ATP6V1A: variants seen among roughly 807,000 people sequenced by gnomAD.
The protein encoded by ATP6V1A is ATPase H+ transporting V1 subunit A, also known as V-type proton ATPase catalytic subunit A.
ATP6V1A carries 18 observed loss-of-function variants against 70.1 expected under a neutral mutation model. The observed-to-expected ratio is 0.26, with a 90% confidence interval of 0.18 to 0.38. The LOEUF is 0.38. Among genes scored for constraint, ATP6V1A ranks in the 10% least tolerant of loss-of-function variants. ATP6V1A has a pLI of 1.00. For synonymous variants in ATP6V1A, 232 were observed against 253.8 expected (o/e 0.91, Z 0.82); for missense variants, 424 against 772.4 (o/e 0.55, Z 5.35).
chr3:113,784,917 A>ATATCAATTCTT, intron 5 of ATP6V1A, 84 bp downstream of exon 5: 2 of 1,381,814 alleles, frequency 1.4e-6, no homozygotes, highest in Non-Finnish European at 2.0e-6. Context: ...AAGTAATTAA[A>ATATCAATTCTT]GAATTGATAT....
chr3:113,805,531 T>C lies in ATP6V1A; in HGVS notation c.1761+6T>C. On this transcript the variant is annotated splice_donor_region_variant and intron_variant, in intron 14 of 14. Coordinates refer to ENST00000273398, the MANE Select transcript of ATP6V1A (RefSeq NM_001690.4). ...TTTCCTCCATGAAATTCAAGGTATA[T>C]TTTGTTTCTGCTGTAACTTTTTTTA... The C allele has an allele frequency of 6.2e-7, 1 of 1,600,314 alleles. No individual in the cohort carries two copies. Among genetic ancestry groups the C allele is most frequent in the Non-Finnish European group, 8.5e-7 (1 of 1,173,648 alleles).
chr3:113,803,760 T>A (rs1709246631), intron 13 of ATP6V1A, 83 bp downstream of exon 13: 3 of 1,059,052 alleles, frequency 2.8e-6, no homozygotes, highest in African/African-American at 3.2e-5. Context: ...AACCCTTTTT[T>A]ATTCTCATAC....
chr3:113,765,622 A>T (rs1322540941), intron 1 of ATP6V1A, among the ~76,000 whole-genome samples: 2 of 147,998 alleles, frequency 1.4e-5, no homozygotes, highest in Non-Finnish European at 3.0e-5. Context: ...CAAAAAAGAG[A>T]GAGAGAGATG....
At chr3:113,785,470 A>G (rs1709027604) in intron 5 of ATP6V1A, among the ~76,000 whole-genome samples, 1 of 150,548 alleles carries the variant, frequency 6.6e-6, no homozygotes, top group Non-Finnish European at 1.5e-5. Flanking sequence ...TATTATTATT[A>G]TATAATGGAT....
At chr3:113,753,351 G>A (rs963378987) in intron 1 of ATP6V1A, among the ~76,000 whole-genome samples, 1 of 152,202 alleles carries the variant, frequency 6.6e-6, no homozygotes, top group African/African-American at 2.4e-5. Flanking sequence ...GATGTGAAGT[G>A]TTAGAGTTTT....
In ATP6V1A at chr3:113,811,963, T is replaced by A. The variant is rs537288507; in HGVS notation, c.*2536T>A. The stretch of plus-strand genomic sequence containing the variant: ...AACGAATAGAAGAGGCCATATATAT[T>A]GCCTCCTTATCCTTGAGATTTCACT... On this transcript the variant is annotated 3_prime_UTR_variant, in exon 15 of 15. Transcript: ENST00000273398. The A allele has an allele frequency of 6.6e-6, 1 of 152,596 alleles. No individual in the cohort carries two copies. Among genetic ancestry groups the A allele is most frequent in the African/African-American group, 2.4e-5 (1 of 41,452 alleles). 9.5% of individuals were successfully genotyped at this position (152,596 alleles called of 1,614,324 possible).
intron 1 of ATP6V1A, among the ~76,000 whole-genome samples, chr3:113,761,441 T>TA (rs1288816236): frequency 2.6e-4 from 39 of 152,006 alleles, no homozygotes; most frequent in Non-Finnish European, 3.1e-4. Context: ...TGTAAAGTTT[T>TA]AAAAATAAGT....
rs527941453 is a variant in ATP6V1A at position 113,782,587 on chromosome 3, C to CATAT, written c.211+1421_211+1424dup. On this transcript the variant is annotated intron_variant, in intron 3 of 14. Transcript: ENST00000273398. ...GTATATATATACGTATATATATACA[C>CATAT]ATATATATATATATACATATATATA... is the stretch of plus-strand genomic sequence containing the variant. Among the ~76,000 whole-genome samples the CATAT allele has an allele frequency of 8.0e-3, 1,126 of 140,580 alleles. 12 individuals are homozygous for CATAT. Among genetic ancestry groups the CATAT allele is most frequent in the African/African-American group, 0.026 (1,002 of 38,062 alleles). 92.2% of individuals were successfully genotyped at this position (140,580 alleles called of 152,430 possible).
intron 1 of ATP6V1A, among the ~76,000 whole-genome samples, chr3:113,770,029 TTTTATTTA>T (rs143157842): frequency 0.35 from 51,149 of 147,570 alleles, 8,997 homozygotes; most frequent in African/African-American, 0.37. Flanking sequence ...GTATTCCTGC[TTTTATTTA>T]TTTATTTATT....
intron 1 of ATP6V1A, among the ~76,000 whole-genome samples, chr3:113,751,822 A>G (rs952091631): frequency 5.3e-5 from 8 of 151,742 alleles, no homozygotes; most frequent in Non-Finnish European, 7.4e-5. Context: ...TACTGAAGTG[A>G]TCTTTAGAAT....
intron 1 of ATP6V1A, among the ~76,000 whole-genome samples, chr3:113,766,970 A>T (rs892048514): frequency 1.3e-5 from 2 of 152,110 alleles, no homozygotes; most frequent in African/African-American, 4.8e-5. Context: ...CCTATTTCTT[A>T]ATCAAATAAT....
chr3:113,755,431 C>CAAA (rs1184456240), intron 1 of ATP6V1A, among the ~76,000 whole-genome samples: 1 of 38,024 alleles, frequency 2.6e-5, no homozygotes, highest in Non-Finnish European at 6.2e-5. Context: ...CATGTCTGTA[C>CAAA]AAAAAAAAAA....
chr3:113,760,596 C>T (rs562966815), intron 1 of ATP6V1A, among the ~76,000 whole-genome samples: 38 of 149,674 alleles, frequency 2.5e-4, no homozygotes, highest in African/African-American at 8.1e-4. Flanking sequence ...GGCGTGGTGG[C>T]GGGTGCCTGT....
chr3:113,768,713 A>G (rs1708802106), intron 1 of ATP6V1A, among the ~76,000 whole-genome samples: 1 of 149,578 alleles, frequency 6.7e-6, no homozygotes. Flanking sequence ...CTCCTGCCTC[A>G]GCCTCCCAAG....
chr3:113,784,339 C>T lies in ATP6V1A; in HGVS notation c.327C>T (p.Ile109=), dbSNP rs756911040. The T allele has an allele frequency of 4.3e-6, 7 of 1,613,990 alleles. No individual in the cohort carries two copies. In the South Asian group the frequency reaches 5.5e-5, roughly 13 times the overall value. The part of the protein sequence containing the change: ...FDGIQRPLSD[I]SSQTQSIYIP... ...GTATTCAAAGACCTTTGTCGGATAT[C>T]AGCAGTCAGACCCAAAGCATCTACA... Residue 109 remains isoleucine (I), a synonymous_variant, in exon 4 of 15, where the codon ATC becomes ATT. Transcript: ENST00000273398.
At chr3:113,751,209 A>G (rs1708582220) in intron 1 of ATP6V1A, among the ~76,000 whole-genome samples, 1 of 152,096 alleles carries the variant, frequency 6.6e-6, no homozygotes, top group African/African-American at 2.4e-5. Context: ...GTGTTTTTAT[A>G]TCTTATTTTT....
Position 113,780,973 on chromosome 3 carries a change from G to A in ATP6V1A, c.83-77G>A. On this transcript the variant is annotated intron_variant, in intron 2 of 14. Transcript: ENST00000273398. The stretch of plus-strand genomic sequence containing the variant: ...AGAGAGGCACAATACTGGGTTTATT[G>A]GGTGTTTTAATTATTTGTGACTATT... The A allele has an allele frequency of 6.0e-6, 9 of 1,504,802 alleles. No homozygotes were observed. In the South Asian group the frequency reaches 1.1e-4, roughly 18 times the overall value. The allele number at this position is 1,504,802 out of a possible 1,614,324, so 93.2% of individuals were successfully genotyped here.
intron 1 of ATP6V1A, among the ~76,000 whole-genome samples, chr3:113,757,709 C>A (rs1356301216): frequency 3.9e-5 from 6 of 152,190 alleles, no homozygotes. Flanking sequence ...GCCCACACAG[C>A]CTTATCCAGA....
At chr3:113,781,404 C>A (rs977810466) in intron 3 of ATP6V1A, among the ~76,000 whole-genome samples, 1 of 152,102 alleles carries the variant, frequency 6.6e-6, no homozygotes, top group African/African-American at 2.4e-5. Context: ...GTAATCCCAG[C>A]CGCTTGGGAG....
Sources: allele counts gnomAD v4.1 joint callset (sites outside exome capture counted in the v4.1 genomes callset), GRCh38; gene constraint gnomAD v4.1.1; transcripts MANE v1.5; gene names NCBI Gene and HGNC (gene_info 2026-07-23, HGNC 2026-07-21).